ABHD6: variants seen among roughly 807,000 people sequenced by gnomAD.
ABHD6 encodes monoacylglycerol lipase ABHD6.
A neutral mutation model predicts 38.8 loss-of-function variants in ABHD6; 33 were observed. The observed-to-expected ratio is 0.85, with a 90% CI of 0.64 to 1.14. The LOEUF is 1.14. ABHD6 is among the 50% of genes most tolerant of loss of function. ABHD6 has a pLI of 0.00. For synonymous variants in ABHD6, 147 were observed against 161.6 expected (o/e 0.91, Z 0.69); for missense variants, 380 against 422.6 (o/e 0.90, Z 0.88).
Position 58,263,397 on chromosome 3 carries a change from A to G in ABHD6, c.120-3792A>G, listed in dbSNP as rs2097438447. Reference sequence around the variant, plus strand: ...GAGAGTGAAACTCCATCTCAAAAAAAAAAAAAAAGAAAAAATATTAGTTTT... The same window carrying G: ...GAGAGTGAAACTCCATCTCAAAAAAGAAAAAAAAGAAAAAATATTAGTTTT... On this transcript the variant is annotated intron_variant, in intron 3 of 9. Transcript: ENST00000478253. This position sits in a 1 kb window ranked among gnomAD's most constrained non-coding sequence, Gnocchi z 4.9. Among the ~76,000 whole-genome samples, 1 of 152,112 alleles carries G rather than the reference A, an allele frequency of 6.6e-6. No individual in the cohort carries two copies. The highest frequency in any genetic ancestry group is 1.5e-5 in the Non-Finnish European group (1 of 68,010).
rs1206193969 is a variant in ABHD6 at position 58,257,064 on chromosome 3, C to G, written c.119+359C>G. On this transcript the variant is annotated intron_variant, in intron 3 of 9. Coordinates refer to ENST00000478253, the MANE Select transcript of ABHD6 (RefSeq NM_001320126.2). The surrounding 1 kb of genome is among the most constrained non-coding windows in gnomAD (Gnocchi z 4.8). ...ATTTTACAGGTGTATGCCACCACGCCCGGCTAATTTTTTTTGTATTTTTAG... is the reference window on the plus strand; with the variant it reads ...ATTTTACAGGTGTATGCCACCACGCGCGGCTAATTTTTTTTGTATTTTTAG... Among the ~76,000 whole-genome samples, 1 of 152,020 alleles carries G rather than the reference C, an allele frequency of 6.6e-6. No individual in the cohort carries two copies. The highest frequency in any genetic ancestry group is 1.5e-5 in the Non-Finnish European group (1 of 67,992).
chr3:58,246,888 C>T (rs183055656), intron 1 of ABHD6, among the ~76,000 whole-genome samples: 15 of 152,242 alleles, frequency 9.9e-5, no homozygotes, highest in Admixed American at 3.9e-4. Context: ...GGCAGTAGTC[C>T]GCCAGTCATT....
rs115158709 is a variant in ABHD6, at chr3:58,259,378, T to C, written c.119+2673T>C. 3.6e-3 allele frequency among the ~76,000 whole-genome samples: 553 copies of C among 152,310 alleles called. 2 individuals are homozygous for C. The highest frequency in any genetic ancestry group is 5.9e-3 in the Non-Finnish European group (398 of 68,014). On this transcript the variant is annotated intron_variant, in intron 3 of 9. Coordinates refer to ENST00000478253, the MANE Select transcript of ABHD6 (RefSeq NM_001320126.2). This position sits in a 1 kb window ranked among gnomAD's most constrained non-coding sequence, Gnocchi z 4.7. ...AATTCACATAACATAAAAGTCACCA[T>C]TTTAAAGTGTACAATTCAAGGCTGG...
intron 9 of ABHD6, among the ~76,000 whole-genome samples, chr3:58,289,162 C>T (rs2097459620): frequency 6.6e-6 from 1 of 152,196 alleles, no homozygotes; most frequent in African/African-American, 2.4e-5. Flanking sequence ...TCAAGCAATG[C>T]TCCCACCTCA....
chr3:58,286,868 A>ATATATATGTGTG (rs1559784516), intron 9 of ABHD6, among the ~76,000 whole-genome samples: 1 of 128,296 alleles, frequency 7.8e-6, no homozygotes, highest in African/African-American at 2.9e-5. Context: ...ATATATATAT[A>ATATATATGTGTG]TGTATATGTA....
intron 7 of ABHD6, among the ~76,000 whole-genome samples, chr3:58,280,959 C>T (rs1248546352): frequency 1.3e-5 from 2 of 152,312 alleles, no homozygotes; most frequent in East Asian, 3.9e-4. Context: ...CTGATCCTTC[C>T]TCTGGAAGCT....
intron 2 of ABHD6, among the ~76,000 whole-genome samples, chr3:58,252,374 C>A (rs1013161054): frequency 6.6e-6 from 1 of 151,362 alleles, no homozygotes; most frequent in African/African-American, 2.4e-5. Context: ...CCACCATGCC[C>A]GGCTAATTTT....
chr3:58,239,379 GTTA>G (rs2097421270), intron 1 of ABHD6, among the ~76,000 whole-genome samples: 1 of 152,132 alleles, frequency 6.6e-6, no homozygotes, highest in Non-Finnish European at 1.5e-5. Flanking sequence ...AGCAGCAGCT[GTTA>G]TTATGAAGAG....
rs552475648 is a variant in ABHD6, at chr3:58,273,499, G to A, written c.524-1159G>A. Among the ~76,000 whole-genome samples, 1 of 152,104 alleles carries A rather than the reference G, an allele frequency of 6.6e-6. No homozygotes were observed. Among genetic ancestry groups the A allele is most frequent in the South Asian group, 2.1e-4 (1 of 4,818 alleles). On this transcript the variant is annotated intron_variant, in intron 6 of 9. Transcript: ENST00000478253. The surrounding 1 kb of genome is among the most constrained non-coding windows in gnomAD (Gnocchi z 4.8). Reference sequence around the variant, plus strand: ...CCAAATGCCCACCAATGATAAACTGGATAAAGAAAATGTGGCACATATACA... The same window carrying A: ...CCAAATGCCCACCAATGATAAACTGAATAAAGAAAATGTGGCACATATACA...
At chr3:58,281,275 T>C (rs2097452988) in intron 7 of ABHD6, among the ~76,000 whole-genome samples, 1 of 152,204 alleles carries the variant, frequency 6.6e-6, no homozygotes, top group South Asian at 2.1e-4. Context: ...CAGGCCACTT[T>C]GTTTACCTAC....
chr3:58,262,041 A>G (rs1296784297), intron 3 of ABHD6, among the ~76,000 whole-genome samples: 3 of 152,254 alleles, frequency 2.0e-5, no homozygotes, highest in Non-Finnish European at 4.4e-5. Context: ...CTATTAACAC[A>G]ACATGGATGA....
intron 7 of ABHD6, among the ~76,000 whole-genome samples, chr3:58,284,233 GCCCTCAGC>G (rs897007851): frequency 1.3e-5 from 2 of 152,162 alleles, no homozygotes; most frequent in African/African-American, 4.8e-5. Flanking sequence ...GCCCTCACCA[GCCCTCAGC>G]AGGGAAGGCA....
At chr3:58,292,746 A>G (rs924894091) in intron 9 of ABHD6, among the ~76,000 whole-genome samples, 13 of 152,084 alleles carry the variant, frequency 8.5e-5, no homozygotes, top group Non-Finnish European at 1.3e-4. Flanking sequence ...GTGAAACCCC[A>G]TCTCTACTAG....
intron 7 of ABHD6, among the ~76,000 whole-genome samples, chr3:58,281,758 T>G (rs1262440364): frequency 1.3e-5 from 2 of 152,244 alleles, no homozygotes; most frequent in African/African-American, 2.4e-5. Context: ...TAAAAATTGT[T>G]GAGGAACCCA....
rs537387413 is a variant in ABHD6 at position 58,250,574 on chromosome 3, G to A, written c.-26+632G>A. Among the ~76,000 whole-genome samples the A allele has an allele frequency of 1.2e-4, 19 of 152,214 alleles. No homozygotes were observed. In the East Asian group the frequency reaches 3.1e-3, roughly 25 times the overall value. On this transcript the variant is annotated intron_variant, in intron 2 of 9. Transcript: ENST00000478253. Reference sequence around the variant, plus strand: ...GCCTTTACAGAAACAGGAGGGAGAGGAAGGGAGGACCTGGACCCAGTGTGG... The same window carrying A: ...GCCTTTACAGAAACAGGAGGGAGAGAAAGGGAGGACCTGGACCCAGTGTGG...
At chr3:58,261,940 A>T (rs1405591567) in intron 3 of ABHD6, among the ~76,000 whole-genome samples, 2 of 152,188 alleles carry the variant, frequency 1.3e-5, no homozygotes, top group African/African-American at 4.8e-5. Context: ...AAATAACCTA[A>T]ATGTCCAACA....
chr3:58,254,769 T>G (rs1005388662), intron 2 of ABHD6, among the ~76,000 whole-genome samples: 1 of 151,268 alleles, frequency 6.6e-6, no homozygotes, highest in African/African-American at 2.4e-5. Context: ...AGAGAATGAC[T>G]GGACTTGAAA....
In ABHD6 at chr3:58,285,323, A is replaced by C; in HGVS notation, c.737-30A>C. 1 of 1,606,848 alleles carries C rather than the reference A, an allele frequency of 6.2e-7. No homozygotes were observed. The stretch of plus-strand genomic sequence containing the variant: ...TGGTGCCACAGGCACAGTCCAGCAC[A>C]TACTCACTTTGTTTTCCTTTTCTGA... On this transcript the variant is annotated intron_variant, in intron 8 of 9. Transcript: ENST00000478253. This position sits in a 1 kb window ranked among gnomAD's most constrained non-coding sequence, Gnocchi z 4.9.
At chr3:58,291,371 A>AGAGAGGGAGAGGGAGACCGTGGG (rs1273622164) in intron 9 of ABHD6, among the ~76,000 whole-genome samples, 3 of 151,970 alleles carry the variant, frequency 2.0e-5, no homozygotes, top group South Asian at 2.1e-4. Context: ...GACCCTGGAA[A>AGAGAGGGAGAGGGAGACCGTGGG]GAGAGGGAGA....
Sources: gnomAD v4.1 joint callset for allele counts (sites outside exome capture counted in the v4.1 genomes callset) on GRCh38, gnomAD v4.1.1 for gene constraint, Gnocchi (gnomAD v3.1) non-coding constraint, MANE v1.5 for transcripts, NCBI Gene and HGNC (gene_info 2026-07-23, HGNC 2026-07-21) for gene names.